Variants in TFPI observed in about 807,000 individuals in gnomAD.
TFPI encodes the protein tissue factor pathway inhibitor, also known as anti-convertin.
Under a neutral mutation model 34.6 loss-of-function variants are expected in TFPI, and 15 were observed. That is an observed-to-expected ratio of 0.43 (90% confidence interval 0.29 to 0.67). The LOEUF is 0.67. TFPI is among the 30% of genes least tolerant of loss of function. The pLI, the probability that TFPI is intolerant of heterozygous loss-of-function variation, is 0.15. For synonymous variants in TFPI, 105 were observed against 120.1 expected (o/e 0.87, Z 0.82); for missense variants, 301 against 364.0 (o/e 0.83, Z 1.41).
intron 1 of TFPI, chr2:187,516,183 A>C (rs2106185758): frequency 6.6e-6 from 1 of 152,322 alleles, no homozygotes; most frequent in South Asian, 2.1e-4. Flanking sequence ...CTAGCCCTAG[A>C]CTACTTGCTA....
At chr2:187,478,050 A>G (rs1341986475) in intron 6 of TFPI, among the ~76,000 whole-genome samples, 2 of 152,264 alleles carry the variant, frequency 1.3e-5, no homozygotes, top group African/African-American at 4.8e-5. Flanking sequence ...TCTTCCCCCC[A>G]GAATATCATA....
At chr2:187,503,855 T>A (rs1285602396) in intron 1 of TFPI, 85 bp from the exon 2 acceptor site, 7 of 1,419,876 alleles carry the variant, frequency 4.9e-6, no homozygotes, top group African/African-American at 1.4e-5. Context: ...TATGTGTACC[T>A]CATATGCAAA....
At chr2:187,510,672 A>G (rs890374494) in intron 1 of TFPI, among the ~76,000 whole-genome samples, 1 of 152,190 alleles carries the variant, frequency 6.6e-6, no homozygotes, top group African/African-American at 2.4e-5. Context: ...GATTCCAGAC[A>G]TTGTATGGAA....
intron 1 of TFPI, among the ~76,000 whole-genome samples, chr2:187,536,166 T>C (rs1002145052): frequency 3.3e-5 from 5 of 152,204 alleles, no homozygotes; most frequent in African/African-American, 9.7e-5. Flanking sequence ...AAAGAGTAGC[T>C]GGTACTATTC....
At chr2:187,488,396 G>C in intron 3 of TFPI, 21 bp from the exon 4 acceptor site, 1 of 1,442,772 alleles carries the variant, frequency 6.9e-7, no homozygotes, top group Non-Finnish European at 9.3e-7. Flanking sequence ...AAGAATATAT[G>C]CATATCAATT....
At chr2:187,548,647 G>C (rs62172428) in intron 1 of TFPI, among the ~76,000 whole-genome samples, 6,950 of 152,062 alleles carry the variant, frequency 0.046, 186 homozygotes, top group Admixed American at 0.091. Context: ...TCGAATGCAG[G>C]TAAGTGGTGG....
At chr2:187,475,778 A>C (rs1692335635) in intron 6 of TFPI, among the ~76,000 whole-genome samples, 1 of 152,200 alleles carries the variant, frequency 6.6e-6, no homozygotes, top group African/African-American at 2.4e-5. Context: ...TCTGAAAACT[A>C]ACTAGAAAAT....
chr2:187,533,566 C>G (rs1688087719), intron 1 of TFPI, among the ~76,000 whole-genome samples: 1 of 152,164 alleles, frequency 6.6e-6, no homozygotes, highest in African/African-American at 2.4e-5. Flanking sequence ...CAAACGTCAC[C>G]AACATCAAAG....
intron 3 of TFPI, among the ~76,000 whole-genome samples, chr2:187,496,194 A>C (rs1685463244): frequency 1.3e-5 from 2 of 152,038 alleles, no homozygotes; most frequent in African/African-American, 2.4e-5. Flanking sequence ...ATGGTATTCT[A>C]TTTTTATTTC....
intron 1 of TFPI, among the ~76,000 whole-genome samples, chr2:187,532,680 G>T (rs530490017): frequency 1.6e-4 from 25 of 152,116 alleles, no homozygotes; most frequent in African/African-American, 4.3e-4. Context: ...ACCAAGCTGC[G>T]GGAGTTTTTT....
At chr2:187,507,377 G>T (rs187816316) in intron 1 of TFPI, among the ~76,000 whole-genome samples, 1 of 152,078 alleles carries the variant, frequency 6.6e-6, no homozygotes, top group Non-Finnish European at 1.5e-5. Flanking sequence ...GTGTGAAAGC[G>T]TCTTTATGTA....
chr2:187,506,551 A>G (rs1686233861), intron 1 of TFPI, among the ~76,000 whole-genome samples: 1 of 152,080 alleles, frequency 6.6e-6, no homozygotes, highest in African/African-American at 2.4e-5. Flanking sequence ...CCCATCCAGA[A>G]TACCAAATTG....
At chr2:187,525,876 A>G (rs1431234520) in intron 1 of TFPI, among the ~76,000 whole-genome samples, 1 of 152,146 alleles carries the variant, frequency 6.6e-6, no homozygotes, top group Non-Finnish European at 1.5e-5. Context: ...TGGCAGCCCT[A>G]GCCAACTAAA....
chr2:187,543,715 T>A (rs576387266), intron 1 of TFPI, among the ~76,000 whole-genome samples: 20 of 152,214 alleles, frequency 1.3e-4, no homozygotes, highest in Non-Finnish European at 2.5e-4. Context: ...ATTAACTTTA[T>A]AGTGTTTGGT....
At chr2:187,530,477 G>T (rs1289856991) in intron 1 of TFPI, among the ~76,000 whole-genome samples, 1 of 152,114 alleles carries the variant, frequency 6.6e-6, no homozygotes, top group Non-Finnish European at 1.5e-5. Flanking sequence ...GAGAAAACCT[G>T]GTAAATCCTA....
intron 1 of TFPI, among the ~76,000 whole-genome samples, chr2:187,537,066 C>T (rs1486211690): frequency 1.3e-5 from 2 of 152,164 alleles, no homozygotes; most frequent in African/African-American, 2.4e-5. Context: ...CTACAAACCA[C>T]TGCTCAAGGA....
At chr2:187,485,411 T>C (rs1020903063) in intron 4 of TFPI, among the ~76,000 whole-genome samples, 1 of 151,778 alleles carries the variant, frequency 6.6e-6, no homozygotes, top group African/African-American at 2.4e-5. Context: ...TGTAGTGCGT[T>C]GCTCCATTAA....
At chr2:187,547,379 G>C (rs1287984556) in intron 1 of TFPI, 1 of 152,128 alleles carries the variant, frequency 6.6e-6, no homozygotes. Flanking sequence ...ATAATGATCA[G>C]TGTTTTCACT....
Position 187,489,636 on chromosome 2 carries a change from C to G in TFPI, c.320-1261G>C, listed in dbSNP as rs138812586. ...TTTTCATTCCTGATTTACCTATTGA[C>G]AATAGTCATAAGATGGGAATATATA... On this transcript the variant is annotated intron_variant, in intron 3 of 7. Transcript: ENST00000233156. 7.9e-5 allele frequency among the ~76,000 whole-genome samples: 12 copies of G among 151,504 alleles called. No individual in the cohort carries two copies. The East Asian group carries it at 2.3e-3, about 29-fold the overall frequency.
Sources: gnomAD v4.1 joint callset for allele counts (sites outside exome capture counted in the v4.1 genomes callset) on GRCh38, gnomAD v4.1.1 for gene constraint, MANE v1.5 for transcripts, NCBI Gene and HGNC (gene_info 2026-07-23, HGNC 2026-07-21) for gene names.